NAALADL2: variants seen among roughly 807,000 people sequenced by gnomAD.
NAALADL2 encodes N-acetylated alpha-linked acidic dipeptidase like 2.
In NAALADL2, 76 loss-of-function variants were observed where a neutral mutation model predicts 87.2. That is an observed-to-expected ratio of 0.87 (90% CI 0.72 to 1.05). The LOEUF is 1.05. Among genes scored for constraint, NAALADL2 ranks in the 50% least tolerant of loss-of-function variants. The pLI, the probability that NAALADL2 is intolerant of heterozygous loss-of-function variation, is 0.00. For synonymous variants in NAALADL2, 354 were observed against 331.0 expected, an observed-to-expected ratio of 1.07 and a Z score of -0.75; for missense variants, 1,089 against 945.8, an observed-to-expected ratio of 1.15 and a Z score of -1.99.
chr3:175,304,685 A>G (rs890758126), intron 4 of NAALADL2, among the ~76,000 whole-genome samples: 2 of 152,166 alleles, frequency 1.3e-5, no homozygotes, highest in African/African-American at 2.4e-5. Flanking sequence ...GTCTAGGGAC[A>G]TGGTCAAACT....
chr3:174,789,226 G>A (rs1223163540), intron 3 of NAALADL2, among the ~76,000 whole-genome samples: 1 of 152,134 alleles, frequency 6.6e-6, no homozygotes, highest in Non-Finnish European at 1.5e-5. Context: ...TATTGCTGAG[G>A]TGGATTCTGA....
intron 4 of NAALADL2, among the ~76,000 whole-genome samples, chr3:175,279,259 A>G (rs1753975446): frequency 6.6e-6 from 1 of 152,186 alleles, no homozygotes; most frequent in African/African-American, 2.4e-5. Context: ...AACTGAAGAC[A>G]TTTATCCTTA....
At chr3:174,468,384 CTTTTTTTTT>C (rs67829845) in intron 1 of NAALADL2, among the ~76,000 whole-genome samples, 1 of 132,738 alleles carries the variant, frequency 7.5e-6, no homozygotes, top group Non-Finnish European at 1.6e-5. Context: ...CTTTCTTTTT[CTTTTTTTTT>C]TTTTTTTGAG....
chr3:175,685,998 A>C (rs1354730664), intron 11 of NAALADL2, among the ~76,000 whole-genome samples: 3 of 152,210 alleles, frequency 2.0e-5, no homozygotes, highest in African/African-American at 7.2e-5. Flanking sequence ...TAACCATCAC[A>C]ATGTATAAAC....
chr3:174,642,586 G>C (rs187284459), intron 2 of NAALADL2, among the ~76,000 whole-genome samples: 9 of 150,712 alleles, frequency 6.0e-5, no homozygotes, highest in Admixed American at 4.6e-4. Context: ...AGGATTACCT[G>C]CACAGTGTAC....
chr3:175,782,830 T>C (rs1413776750), intron 13 of NAALADL2, among the ~76,000 whole-genome samples: 4 of 148,470 alleles, frequency 2.7e-5, no homozygotes, highest in Non-Finnish European at 5.9e-5. Flanking sequence ...AGGTTTTTTA[T>C]GGTTTTAGGT....
At chr3:174,700,428 T>C (rs535149727) in intron 2 of NAALADL2, among the ~76,000 whole-genome samples, 1 of 152,174 alleles carries the variant, frequency 6.6e-6, no homozygotes, top group African/African-American at 2.4e-5. Context: ...AAAATTATCA[T>C]GGAACTAATT....
At chr3:175,747,251 C>T (rs62286114) in intron 12 of NAALADL2, among the ~76,000 whole-genome samples, 14,274 of 152,222 alleles carry the variant, frequency 0.094, 710 homozygotes, top group African/African-American at 0.12. Context: ...CAATTTGGTG[C>T]TATTCACACG....
chr3:174,940,923 G>A (rs867926131), intron 1 of NAALADL2, among the ~76,000 whole-genome samples: 30 of 151,572 alleles, frequency 2.0e-4, no homozygotes, highest in Middle Eastern at 3.4e-3. Context: ...TCTAGCTAGC[G>A]GCCTGTCTTA....
chr3:175,673,358 A>G (rs1032989358), intron 11 of NAALADL2, among the ~76,000 whole-genome samples: 2 of 152,080 alleles, frequency 1.3e-5, no homozygotes, highest in Non-Finnish European at 2.9e-5. Context: ...TAGCTATATA[A>G]TATTATTCAT....
intron 9 of NAALADL2, among the ~76,000 whole-genome samples, chr3:175,524,761 T>C (rs1371085956): frequency 6.6e-6 from 1 of 152,152 alleles, no homozygotes; most frequent in Non-Finnish European, 1.5e-5. Flanking sequence ...AAAGTATTTT[T>C]CTCAATAAGT....
In NAALADL2 at chr3:175,496,731, G is replaced by GTT. The variant is rs202016748; in HGVS notation, c.1653+24981_1653+24982dup. Among the ~76,000 whole-genome samples, 30 of 150,240 alleles carry GTT rather than the reference G, an allele frequency of 2.0e-4. 3 individuals carry two copies. Among genetic ancestry groups the GTT allele is most frequent in the Admixed American group, 1.3e-3 (19 of 15,006 alleles). ...ACTACACCCAGCTATTTTTTGTGTG[G>GTT]TTTTTTTTTGCAGAGACAGGGTTTT... is the stretch of plus-strand genomic sequence containing the variant. On this transcript the variant is annotated intron_variant, in intron 9 of 13. Transcript: ENST00000454872.
chr3:174,728,715 A>T (rs1280260775), intron 2 of NAALADL2, among the ~76,000 whole-genome samples: 3 of 152,068 alleles, frequency 2.0e-5, no homozygotes, highest in Non-Finnish European at 4.4e-5. Flanking sequence ...CACAGAACTC[A>T]TCATACTGGA....
chr3:175,566,281 A>G (rs550212584), intron 9 of NAALADL2, among the ~76,000 whole-genome samples: 1 of 152,362 alleles, frequency 6.6e-6, no homozygotes, highest in East Asian at 1.9e-4. Context: ...ATACAAAAGT[A>G]ATAAGCAAAT....
Position 174,909,679 on chromosome 3 carries a change from C to T in NAALADL2, c.43+50229C>T, listed in dbSNP as rs76901698. ...GCTCTGTCACGTTCTAGCTATGGCA[C>T]TTTAGATAATTTGATCTCTTCCTAC... On this transcript the variant is annotated intron_variant, in intron 1 of 13. Coordinates refer to ENST00000454872, the MANE Select transcript of NAALADL2 (RefSeq NM_207015.3). 9.9e-3 allele frequency among the ~76,000 whole-genome samples: 1,512 copies of T among 152,158 alleles called. 17 individuals carry two copies. Among genetic ancestry groups the T allele is most frequent in the Middle Eastern group, 0.02 (6 of 294 alleles).
chr3:174,441,177 C>G (rs1714576184), intron 1 of NAALADL2: 1 of 152,276 alleles, frequency 6.6e-6, no homozygotes, highest in Non-Finnish European at 1.5e-5. Flanking sequence ...CGCACCCCTG[C>G]GCGGGGCCCG....
chr3:175,046,481 G>A (rs973802613), intron 1 of NAALADL2, among the ~76,000 whole-genome samples: 10 of 152,060 alleles, frequency 6.6e-5, no homozygotes, highest in African/African-American at 2.4e-4. Context: ...TGAATGTCTG[G>A]TTTATCTAAG....
intron 1 of NAALADL2, among the ~76,000 whole-genome samples, chr3:175,085,143 A>G (rs758245309): frequency 1.1e-4 from 16 of 152,182 alleles, no homozygotes; most frequent in Non-Finnish European, 2.4e-4. Context: ...TCATTATGGC[A>G]GAGTGGTTAA....
At chr3:175,644,055 G>T (rs1484075531) in intron 11 of NAALADL2, among the ~76,000 whole-genome samples, 1 of 152,160 alleles carries the variant, frequency 6.6e-6, no homozygotes, top group Non-Finnish European at 1.5e-5. Flanking sequence ...TGCTAATGAA[G>T]TTGAGTGCCA....
Sources: gnomAD v4.1 joint callset for allele counts (sites outside exome capture counted in the v4.1 genomes callset) on GRCh38, gnomAD v4.1.1 for gene constraint, MANE v1.5 for transcripts, NCBI Gene and HGNC (gene_info 2026-07-23, HGNC 2026-07-21) for gene names.